The following AAMDC variants were observed in gnomAD, a reference collection of about 807,000 sequenced individuals.
AAMDC encodes mth938 domain-containing protein.
A neutral mutation model predicts 15.5 loss-of-function variants in AAMDC; 16 were observed. That is an observed-to-expected ratio of 1.03 (90% CI 0.70 to 1.57). The LOEUF is 1.57. AAMDC is among the 40% of genes most tolerant of loss of function. The pLI, the probability that AAMDC is intolerant of heterozygous loss-of-function variation, is 0.00. For synonymous variants in AAMDC, 51 were observed against 51.6 expected (o/e 0.99, Z 0.05); for missense variants, 141 against 144.9 (o/e 0.97, Z 0.14).
chr11:77,890,624 T>C (rs2136389804), intron 5 of AAMDC, among the ~76,000 whole-genome samples: 1 of 152,190 alleles, frequency 6.6e-6, no homozygotes, highest in South Asian at 2.1e-4. Flanking sequence ...TGCCTGCCCA[T>C]TTGTATGTCT....
intron 5 of AAMDC, chr11:77,891,391 C>T: frequency 1.9e-6 from 3 of 1,612,880 alleles, no homozygotes; most frequent in Non-Finnish European, 2.5e-6. Context: ...CAACCACCAA[C>T]CCAGAGGTAA....
chr11:77,873,731 A>G (rs1195323057), downstream of AAMDC, among the ~76,000 whole-genome samples: 1 of 152,250 alleles, frequency 6.6e-6, no homozygotes, highest in African/African-American at 2.4e-5. Context: ...GGATGGAAGG[A>G]AAATTAAGGA....
At chr11:77,875,136 A>G (rs1357489489), downstream of AAMDC, among the ~76,000 whole-genome samples, 3 of 152,172 alleles carry the variant, frequency 2.0e-5, no homozygotes, top group African/African-American at 4.8e-5. Flanking sequence ...CTCAAAGCAA[A>G]TATAAAGTCC....
chr11:77,905,511 T>C (rs1212788222), downstream of AAMDC, among the ~76,000 whole-genome samples: 1 of 151,996 alleles, frequency 6.6e-6, no homozygotes, highest in African/African-American at 2.4e-5. Flanking sequence ...TTCTGCTGCT[T>C]GGATATCAGA....
intron 5 of AAMDC, among the ~76,000 whole-genome samples, chr11:77,878,289 G>C (rs922693857): frequency 1.3e-5 from 2 of 151,592 alleles, no homozygotes; most frequent in Admixed American, 6.6e-5. Context: ...TTGAACCCAG[G>C]AGGCAGAGGT....
chr11:77,884,064 T>G, intron 5 of AAMDC: 1 of 1,090,766 alleles, frequency 9.2e-7, no homozygotes, highest in Non-Finnish European at 1.3e-6. Flanking sequence ...GACACCAACT[T>G]TACTAAGATT....
chr11:77,855,099 A>G lies in AAMDC; in HGVS notation c.132+12471A>G, dbSNP rs557463969. Among the ~76,000 whole-genome samples, 43 of 152,278 alleles carry G rather than the reference A, an allele frequency of 2.8e-4. 1 individual carries two copies. The South Asian group carries it at 8.9e-3, about 32-fold the overall frequency. On this transcript the variant is annotated intron_variant, in intron 2 of 3. Transcript: ENST00000393427. ...TGGAGTGGCCGTGATGCAGGGTGCT[A>G]TGACCTGAGGCTGCACAGAGCAGTG...
chr11:77,875,312 G>A (rs598933), downstream of AAMDC, among the ~76,000 whole-genome samples: 60,788 of 152,048 alleles, frequency 0.4, 12,750 homozygotes, highest in African/African-American at 0.51. Flanking sequence ...AAGAAATAAG[G>A]CGTGTAAACA....
chr11:77,894,621 G>A (rs1044474884), intron 5 of AAMDC, among the ~76,000 whole-genome samples: 4 of 152,112 alleles, frequency 2.6e-5, no homozygotes, highest in African/African-American at 4.8e-5. Flanking sequence ...GACTCACTAC[G>A]AATACAGGAG....
chr11:77,884,893 T>G, intron 5 of AAMDC: 1 of 254,590 alleles, frequency 3.9e-6, no homozygotes, highest in Non-Finnish European at 8.4e-6. Flanking sequence ...GAGTGGGGAT[T>G]ACAGGCACGT....
At chr11:77,902,961 C>T (rs1271072870), downstream of AAMDC, among the ~76,000 whole-genome samples, 1 of 152,172 alleles carries the variant, frequency 6.6e-6, no homozygotes, top group African/African-American at 2.4e-5. Context: ...GTAGAGACAG[C>T]GTTTCACCAT....
At chr11:77,895,714 A>T (rs1365617087) in intron 5 of AAMDC, among the ~76,000 whole-genome samples, 1 of 152,060 alleles carries the variant, frequency 6.6e-6, no homozygotes, top group Non-Finnish European at 1.5e-5. Context: ...CCAAGCAGTG[A>T]CATTTCCTCA....
At chr11:77,864,217 G>A (rs1450758723) in intron 2 of AAMDC, among the ~76,000 whole-genome samples, 4 of 150,862 alleles carry the variant, frequency 2.7e-5, no homozygotes, top group South Asian at 2.2e-4. Context: ...ATGAGCCACC[G>A]CTCCTGGCCA....
At chr11:77,864,766 C>T (rs1003444397) in intron 2 of AAMDC, among the ~76,000 whole-genome samples, 5 of 152,010 alleles carry the variant, frequency 3.3e-5, no homozygotes, top group Admixed American at 3.3e-4. Context: ...ATTGTTTGAG[C>T]CTAGGAGTTC....
chr11:77,883,366 C>T (rs1441050910), intron 5 of AAMDC, among the ~76,000 whole-genome samples: 3 of 151,994 alleles, frequency 2.0e-5, no homozygotes. Context: ...CCATTTTATC[C>T]TCACAATTCA....
intron 2 of AAMDC, chr11:77,851,406 G>GAGCTGTTCCT (rs1950376895): frequency 1.3e-5 from 2 of 152,216 alleles, no homozygotes; most frequent in Non-Finnish European, 2.9e-5. Flanking sequence ...AAAGATTGAT[G>GAGCTGTTCCT]AGCTGTTCCT....
At chr11:77,858,850 G>A (rs1383426860) in intron 2 of AAMDC, among the ~76,000 whole-genome samples, 2 of 152,294 alleles carry the variant, frequency 1.3e-5, no homozygotes, top group Admixed American at 6.5e-5. Context: ...TTTGAAGAAC[G>A]ATTTGTAGTT....
intron 2 of AAMDC, among the ~76,000 whole-genome samples, chr11:77,865,132 G>C (rs2136276121): frequency 6.6e-6 from 1 of 152,278 alleles, no homozygotes; most frequent in Non-Finnish European, 1.5e-5. Context: ...TAATGTGGTT[G>C]AGTCCCCAAC....
chr11:77,845,984 T>G (rs1440340633), intron 2 of AAMDC, among the ~76,000 whole-genome samples: 3 of 152,078 alleles, frequency 2.0e-5, no homozygotes, highest in Non-Finnish European at 4.4e-5. Flanking sequence ...CTTAATGTCT[T>G]TGTTGTTTTG....
Sources: gnomAD v4.1 joint callset for allele counts (sites outside exome capture counted in the v4.1 genomes callset) on GRCh38, gnomAD v4.1.1 for gene constraint, MANE v1.5 for transcripts, NCBI Gene and HGNC (gene_info 2026-07-23, HGNC 2026-07-21) for gene names.